Variants in CALD1 observed in about 807,000 individuals in gnomAD.
CALD1 encodes the protein caldesmon 1.
CALD1 carries 33 observed loss-of-function variants against 99.9 expected under a neutral mutation model. That is an observed-to-expected ratio of 0.33 (90% CI 0.25 to 0.44). The LOEUF is 0.44. Ranked by LOEUF, CALD1 falls within the 20% of genes least tolerant of loss-of-function variation. The pLI is 1.00. For synonymous variants in CALD1, 310 were observed against 325.0 expected, an observed-to-expected ratio of 0.95 and a Z score of 0.50; for missense variants, 861 against 962.1, an observed-to-expected ratio of 0.89 and a Z score of 1.39.
At chr7:134,916,062 A>G (rs1804181703) in intron 3 of CALD1, among the ~76,000 whole-genome samples, 1 of 152,114 alleles carries the variant, frequency 6.6e-6, no homozygotes, top group South Asian at 2.1e-4. Flanking sequence ...TTGGCCCTTC[A>G]TTTCCCATTT....
At chr7:134,951,154 AC>A (rs1347802703) in intron 9 of CALD1, among the ~76,000 whole-genome samples, 1 of 152,134 alleles carries the variant, frequency 6.6e-6, no homozygotes, top group Non-Finnish European at 1.5e-5. Flanking sequence ...CAAGGGCCTC[AC>A]CCTCATCACC....
chr7:134,890,520 C>G (rs1193838555), intron 3 of CALD1, among the ~76,000 whole-genome samples: 1 of 152,164 alleles, frequency 6.6e-6, no homozygotes, highest in South Asian at 2.1e-4. Context: ...TTGTGGAGAT[C>G]GGATTTGTTC....
chr7:134,905,777 T>A (rs1197431665), intron 3 of CALD1, among the ~76,000 whole-genome samples: 2 of 151,926 alleles, frequency 1.3e-5, no homozygotes, highest in African/African-American at 4.8e-5. Context: ...TAAAAAGAAG[T>A]CATGAGTGTA....
chr7:134,870,240 T>C (rs933613044), intron 3 of CALD1, among the ~76,000 whole-genome samples: 3 of 152,222 alleles, frequency 2.0e-5, no homozygotes, highest in South Asian at 4.1e-4. Flanking sequence ...GCAGACCTGA[T>C]AGAGTTGTGG....
intron 1 of CALD1, among the ~76,000 whole-genome samples, chr7:134,766,832 C>G (rs1441863176): frequency 6.6e-6 from 1 of 151,916 alleles, no homozygotes; most frequent in Non-Finnish European, 1.5e-5. Flanking sequence ...TCGTGGCGGG[C>G]AGACAGGGAG....
intron 3 of CALD1, among the ~76,000 whole-genome samples, chr7:134,893,547 A>G (rs1191796132): frequency 1.3e-5 from 2 of 151,812 alleles, no homozygotes; most frequent in East Asian, 3.9e-4. Context: ...AGCTCCCCAA[A>G]CTCAGCATAT....
chr7:134,902,603 C>T (rs1165994002), intron 3 of CALD1, among the ~76,000 whole-genome samples: 1 of 152,060 alleles, frequency 6.6e-6, no homozygotes, highest in African/African-American at 2.4e-5. Flanking sequence ...AATCTCCATC[C>T]AAGATCCCCA....
At position 134,937,352 on chromosome 7, in the gene CALD1, G is replaced by A. The variant is rs115523227; in HGVS notation, c.1386+1587G>A. Among the ~76,000 whole-genome samples the A allele has an allele frequency of 3.2e-3, 488 of 152,178 alleles. 4 individuals carry two copies. The highest frequency in any genetic ancestry group is 0.011 in the African/African-American group (470 of 41,518). On this transcript the variant is annotated intron_variant, in intron 6 of 14. Transcript: ENST00000361675. The stretch of plus-strand genomic sequence containing the variant: ...CTCCCAGGAATGAGTGAGCCCTGCC[G>A]TTTTCCCAAGTTGCCCCTCAGCACA...
At chr7:134,826,157 G>C (rs1798983825) in intron 1 of CALD1, among the ~76,000 whole-genome samples, 1 of 151,950 alleles carries the variant, frequency 6.6e-6, no homozygotes, top group Admixed American at 6.6e-5. Context: ...TCTATATAAG[G>C]ATAATTTTAT....
chr7:134,823,515 C>T (rs1027121233), intron 1 of CALD1, among the ~76,000 whole-genome samples: 5 of 152,120 alleles, frequency 3.3e-5, no homozygotes, highest in Non-Finnish European at 7.4e-5. Context: ...CTTGCTATTG[C>T]CTGGATCTCA....
chr7:134,945,696 T>G (rs954789440), intron 7 of CALD1, among the ~76,000 whole-genome samples: 1 of 152,188 alleles, frequency 6.6e-6, no homozygotes, highest in Non-Finnish European at 1.5e-5. Context: ...CTTAACCACA[T>G]CATACCAAGC....
At chr7:134,765,340 T>C (rs1475910676) in intron 1 of CALD1, among the ~76,000 whole-genome samples, 1 of 150,878 alleles carries the variant, frequency 6.6e-6, no homozygotes, top group Non-Finnish European at 1.5e-5. Context: ...GAAAGAAAAG[T>C]TCAGGGTATA....
chr7:134,888,033 G>A (rs373588741), intron 3 of CALD1, among the ~76,000 whole-genome samples: 8 of 152,230 alleles, frequency 5.3e-5, no homozygotes, highest in African/African-American at 1.4e-4. Context: ...CTTGTGGTCC[G>A]GTCTCCCACC....
intron 2 of CALD1, among the ~76,000 whole-genome samples, chr7:134,849,379 C>G (rs1390317844): frequency 6.6e-6 from 1 of 152,136 alleles, no homozygotes; most frequent in Non-Finnish European, 1.5e-5. Context: ...TCCTCTGTAT[C>G]CATAGGGGAT....
At chr7:134,911,317 T>C (rs1457861544) in intron 3 of CALD1, among the ~76,000 whole-genome samples, 2 of 151,962 alleles carry the variant, frequency 1.3e-5, no homozygotes, top group Non-Finnish European at 2.9e-5. Context: ...TATTCCTGGT[T>C]CATATCCATG....
intron 3 of CALD1, among the ~76,000 whole-genome samples, chr7:134,884,844 C>T (rs1586197683): frequency 1.3e-5 from 2 of 152,170 alleles, no homozygotes; most frequent in Non-Finnish European, 2.9e-5. Context: ...AAAAATGTTA[C>T]ACTGTAACTT....
intron 9 of CALD1, 34 bp downstream of exon 9, chr7:134,950,548 A>G: frequency 1.3e-6 from 2 of 1,567,492 alleles, no homozygotes; most frequent in Non-Finnish European, 1.8e-6. Context: ...CTATTAGAAT[A>G]TGATAGAGAC....
At chr7:134,801,101 G>A (rs182202354) in intron 1 of CALD1, among the ~76,000 whole-genome samples, 9 of 151,892 alleles carry the variant, frequency 5.9e-5, no homozygotes, top group East Asian at 3.9e-4. Flanking sequence ...TATTCTTCAC[G>A]TCTTTATTTT....
rs553452005 is a variant in CALD1 at position 134,902,037 on chromosome 7, AC to A, written c.72-26716del. Among the ~76,000 whole-genome samples the A allele has an allele frequency of 5.3e-5, 8 of 152,208 alleles. No individual in the cohort carries two copies. In the South Asian group the frequency reaches 1.7e-3, roughly 32 times the overall value. ...TATACATACTTCTAGATTAAATGCA[AC>A]GAGCCTGGGCATTACCTCCACATTC... On this transcript the variant is annotated intron_variant, in intron 3 of 14. Coordinates refer to ENST00000361675, the MANE Select transcript of CALD1 (RefSeq NM_033138.4).
Sources: allele counts gnomAD v4.1 joint callset (sites outside exome capture counted in the v4.1 genomes callset), GRCh38; gene constraint gnomAD v4.1.1; transcripts MANE v1.5; gene names NCBI Gene and HGNC (gene_info 2026-07-23, HGNC 2026-07-21).